The following LRRC4C variants were observed in gnomAD, a reference collection of about 807,000 sequenced individuals.
The protein encoded by LRRC4C is leucine-rich repeat-containing protein 4C.
In LRRC4C, 5 loss-of-function variants were observed where a neutral mutation model predicts 33.6. The observed-to-expected ratio is 0.15, with a 90% confidence interval of 0.08 to 0.31. The LOEUF (loss-of-function observed/expected upper bound fraction) is 0.31. LRRC4C is among the 10% of genes least tolerant of loss of function. LRRC4C has a pLI of 1.00. For synonymous variants in LRRC4C, 329 were observed against 302.0 expected (o/e 1.09, Z -0.93); for missense variants, 560 against 796.7 (o/e 0.70, Z 3.58).
At chr11:40,575,390 T>C (rs1365029210) in intron 3 of LRRC4C, among the ~76,000 whole-genome samples, 1 of 145,362 alleles carries the variant, frequency 6.9e-6, no homozygotes, top group Non-Finnish European at 1.5e-5. Context: ...TTTAATTTCA[T>C]GAAAAAAAAA....
chr11:40,501,537 A>C (rs1433239905), intron 3 of LRRC4C, among the ~76,000 whole-genome samples: 1 of 152,174 alleles, frequency 6.6e-6, no homozygotes, highest in African/African-American at 2.4e-5. Flanking sequence ...TGCAGGCTCA[A>C]CACCACATGA....
At chr11:40,276,509 A>G (rs1334610812) in intron 4 of LRRC4C, among the ~76,000 whole-genome samples, 3 of 152,148 alleles carry the variant, frequency 2.0e-5, no homozygotes, top group African/African-American at 7.2e-5. Context: ...AATCATTCTC[A>G]GATGTCAAAC....
At chr11:40,286,704 A>G (rs1486711712) in intron 4 of LRRC4C, among the ~76,000 whole-genome samples, 3 of 152,210 alleles carry the variant, frequency 2.0e-5, no homozygotes, top group Admixed American at 2.0e-4. Flanking sequence ...TACTTAAGAC[A>G]TTTTATTGCT....
At chr11:40,664,544 C>CG (rs1943617323) in intron 2 of LRRC4C, among the ~76,000 whole-genome samples, 1 of 149,896 alleles carries the variant, frequency 6.7e-6, no homozygotes, top group Non-Finnish European at 1.5e-5. Context: ...GACTCTGTCT[C>CG]AAAAAAAAAT....
At chr11:40,992,679 A>T (rs536732821) in intron 1 of LRRC4C, among the ~76,000 whole-genome samples, 1 of 152,312 alleles carries the variant, frequency 6.6e-6, no homozygotes, top group South Asian at 2.1e-4. Context: ...TGAAGTCACA[A>T]AAAGGAAAGC....
intron 2 of LRRC4C, among the ~76,000 whole-genome samples, chr11:40,924,247 G>A (rs868577372): frequency 1.3e-5 from 2 of 151,966 alleles, no homozygotes; most frequent in African/African-American, 4.8e-5. Context: ...AGTAAGGTGA[G>A]AGAATAAGAG....
chr11:41,451,704 C>T (rs1436910048), intron 1 of LRRC4C, among the ~76,000 whole-genome samples: 1 of 152,084 alleles, frequency 6.6e-6, no homozygotes, highest in Non-Finnish European at 1.5e-5. Flanking sequence ...CAGGGGAACA[C>T]TCAGAAAAAT....
chr11:40,582,670 C>A (rs1345030582), intron 3 of LRRC4C, among the ~76,000 whole-genome samples: 2 of 151,924 alleles, frequency 1.3e-5, no homozygotes, highest in Non-Finnish European at 2.9e-5. Flanking sequence ...GTACACGCCA[C>A]CATGCCTGAC....
chr11:41,011,822 A>ATAATATTATATTATATTATAT, intron 1 of LRRC4C, among the ~76,000 whole-genome samples: 1 of 141,728 alleles, frequency 7.1e-6, no homozygotes, highest in Non-Finnish European at 1.5e-5. Flanking sequence ...ATTCTATGTT[A>ATAATATTATATTATATTATAT]TATATTATAT....
chr11:41,049,623 G>C (rs996592433), intron 1 of LRRC4C, among the ~76,000 whole-genome samples: 2 of 152,188 alleles, frequency 1.3e-5, no homozygotes, highest in Non-Finnish European at 2.9e-5. Flanking sequence ...CTTGGATCCA[G>C]TGGGAGTTAA....
intron 2 of LRRC4C, among the ~76,000 whole-genome samples, chr11:40,783,685 A>G (rs571173586): frequency 1.3e-5 from 2 of 152,238 alleles, no homozygotes; most frequent in South Asian, 2.1e-4. Flanking sequence ...TGATTGCAAC[A>G]GTTTTGGAAT....
At chr11:40,671,411 G>C (rs1944101103) in intron 2 of LRRC4C, among the ~76,000 whole-genome samples, 1 of 152,118 alleles carries the variant, frequency 6.6e-6, no homozygotes, top group South Asian at 2.1e-4. Context: ...CACAGAAATA[G>C]GAATTTAATA....
At chr11:40,570,282 T>C (rs375286086) in intron 3 of LRRC4C, among the ~76,000 whole-genome samples, 43 of 152,242 alleles carry the variant, frequency 2.8e-4, no homozygotes, top group African/African-American at 9.9e-4. Context: ...GAAAAATCAA[T>C]ATTTGCAAGT....
At chr11:41,435,025 G>A (rs993692692) in intron 1 of LRRC4C, among the ~76,000 whole-genome samples, 3 of 152,124 alleles carry the variant, frequency 2.0e-5, no homozygotes, top group African/African-American at 7.2e-5. Context: ...CAGCAATAAA[G>A]AGAATGGCCC....
At chr11:40,838,092 T>G (rs2135605485) in intron 2 of LRRC4C, among the ~76,000 whole-genome samples, 1 of 152,262 alleles carries the variant, frequency 6.6e-6, no homozygotes, top group South Asian at 2.1e-4. Flanking sequence ...AGTAGATAAC[T>G]CTACTGGTAT....
chr11:41,351,790 A>G (rs968580971), intron 1 of LRRC4C, among the ~76,000 whole-genome samples: 1 of 152,244 alleles, frequency 6.6e-6, no homozygotes, highest in African/African-American at 2.4e-5. Flanking sequence ...AAGCTTGATA[A>G]GCAAAGGTGA....
intron 3 of LRRC4C, among the ~76,000 whole-genome samples, chr11:40,524,407 C>T (rs1590998865): frequency 6.6e-6 from 1 of 152,176 alleles, no homozygotes; most frequent in Admixed American, 6.5e-5. Context: ...CATTATTATC[C>T]AAGAGTTCAG....
intron 3 of LRRC4C, among the ~76,000 whole-genome samples, chr11:40,450,944 A>G (rs1320259102): frequency 2.0e-5 from 3 of 152,042 alleles, no homozygotes; most frequent in African/African-American, 7.2e-5. Flanking sequence ...TGAGCAAATT[A>G]GATAATATCT....
intron 2 of LRRC4C, among the ~76,000 whole-genome samples, chr11:40,789,677 A>T (rs781572295): frequency 6.6e-6 from 1 of 152,222 alleles, no homozygotes; most frequent in Non-Finnish European, 1.5e-5. Flanking sequence ...ATAAGCATAG[A>T]TGTGTACAAA....
Sources: gnomAD v4.1 joint callset for allele counts (sites outside exome capture counted in the v4.1 genomes callset) on GRCh38, gnomAD v4.1.1 for gene constraint, MANE v1.5 for transcripts, NCBI Gene and HGNC (gene_info 2026-07-23, HGNC 2026-07-21) for gene names.